Variants in GSE1 observed in about 807,000 individuals in gnomAD.
GSE1 encodes the protein Gse1 coiled-coil protein.
GSE1 carries 32 observed loss-of-function variants against 112.6 expected under a neutral mutation model. The observed-to-expected ratio is 0.28, with a 90% CI of 0.21 to 0.38. The LOEUF is 0.38. Among genes scored for constraint, GSE1 ranks in the 10% least tolerant of loss-of-function variants. The pLI is 1.00. For missense variants in GSE1, 2,348 were observed against 1,699.2 expected, an observed-to-expected ratio of 1.38 and a Z score of -6.71; for synonymous variants, 1,115 against 735.6, an observed-to-expected ratio of 1.52 and a Z score of -8.35.
At chr16:85,547,231 T>A (rs935716204) in intron 2 of GSE1, among the ~76,000 whole-genome samples, 1 of 152,212 alleles carries the variant, frequency 6.6e-6, no homozygotes, top group Non-Finnish European at 1.5e-5. Context: ...AGTGACAGGA[T>A]GTATTAGCTT....
intron 2 of GSE1, among the ~76,000 whole-genome samples, chr16:85,445,418 C>T (rs375569527): frequency 1.1e-4 from 16 of 152,314 alleles, no homozygotes; most frequent in African/African-American, 3.4e-4. Context: ...TCAGAGTGCT[C>T]GCTGGCGGCC....
intron 1 of GSE1, among the ~76,000 whole-genome samples, chr16:85,630,696 C>G (rs988304362): frequency 1.3e-5 from 2 of 152,188 alleles, no homozygotes; most frequent in Non-Finnish European, 2.9e-5. Flanking sequence ...GCCTTCTGAT[C>G]GGGTGCCATG....
upstream of GSE1, chr16:85,554,843 G>C: frequency 6.1e-6 from 6 of 983,342 alleles, no homozygotes; most frequent in Non-Finnish European, 6.0e-6. Context: ...TGGGCAGCCG[G>C]AGGGGGGGCC....
intron 1 of GSE1, among the ~76,000 whole-genome samples, chr16:85,247,487 G>T (rs185901654): frequency 1.3e-5 from 2 of 152,176 alleles, no homozygotes; most frequent in Non-Finnish European, 2.9e-5. Context: ...AGAGGAGGAC[G>T]GGATGAGGGC....
chr16:85,380,628 G>A lies in GSE1; in HGVS notation c.2464+22985G>A, dbSNP rs558044459. Among the ~76,000 whole-genome samples, 8 of 152,238 alleles carry A rather than the reference G, an allele frequency of 5.3e-5. No individual in the cohort carries two copies. In the South Asian group the frequency reaches 6.2e-4, roughly 12 times the overall value. ...ATCTCAGACGTTTGATCTGTGCTCTGCATTAGACGGTAGCTATTTGAAATC... is the reference window on the plus strand; with the variant it reads ...ATCTCAGACGTTTGATCTGTGCTCTACATTAGACGGTAGCTATTTGAAATC... On this transcript the variant is annotated intron_variant, in intron 2 of 2. Coordinates refer to the GSE1 transcript ENST00000637419.
At chr16:85,271,965 C>A (rs747718517) in intron 1 of GSE1, among the ~76,000 whole-genome samples, 1 of 152,218 alleles carries the variant, frequency 6.6e-6, no homozygotes, top group East Asian at 1.9e-4. Flanking sequence ...GTCTGCAGGA[C>A]GCCTTTCTGC....
intron 1 of GSE1, among the ~76,000 whole-genome samples, chr16:85,334,740 G>T (rs576155209): frequency 2.5e-4 from 38 of 152,308 alleles, no homozygotes; most frequent in African/African-American, 8.9e-4. Context: ...AGACCAGAAT[G>T]TGCCACCCCA....
chr16:85,368,632 G>C (rs561686663), intron 2 of GSE1, among the ~76,000 whole-genome samples: 1 of 152,304 alleles, frequency 6.6e-6, no homozygotes, highest in East Asian at 1.9e-4. Flanking sequence ...TTGAGCCCAG[G>C]AGTTCGAGGC....
intron 1 of GSE1, among the ~76,000 whole-genome samples, chr16:85,271,751 CAG>C (rs911767839): frequency 1.3e-5 from 2 of 152,160 alleles, no homozygotes; most frequent in Non-Finnish European, 2.9e-5. Flanking sequence ...GAGCCTGTGA[CAG>C]AGGGGAAGTG....
chr16:85,217,145 G>A (rs1051051942), intron 1 of GSE1, among the ~76,000 whole-genome samples: 1 of 152,238 alleles, frequency 6.6e-6, no homozygotes, highest in Non-Finnish European at 1.5e-5. Flanking sequence ...GGGGTGATGA[G>A]AGTAGCGACT....
chr16:85,550,695 G>A (rs538419706), intron 2 of GSE1, among the ~76,000 whole-genome samples: 4 of 152,294 alleles, frequency 2.6e-5, no homozygotes, highest in African/African-American at 7.2e-5. Flanking sequence ...TTCCCAGCAC[G>A]TGCTGGGAGG....
At position 85,634,120 on chromosome 16, in the gene GSE1, G is replaced by A; in HGVS notation, c.214G>A (p.Glu72Lys). 1 of 1,517,840 alleles carries A rather than the reference G, an allele frequency of 6.6e-7. No individual in the cohort carries two copies. The highest frequency in any genetic ancestry group is 8.8e-7 in the Non-Finnish European group (1 of 1,139,204). The allele number at this position is 1,517,840 out of a possible 1,614,324, so 94.0% of individuals were successfully genotyped here. The change falls in exon 2 of 16, where the codon GAG (glutamate) becomes AAG (lysine). Residue 72 changes from glutamate to lysine, a missense_variant. Transcript: ENST00000253458. Reference protein sequence around the residue: ...AALRKLAKQAEEPRGSSLSSE... With the variant: ...AALRKLAKQAKEPRGSSLSSE... ...GCTGCGCAAGCTCGCCAAACAGGCG[G>A]AGGAGCCCAGAGGTAAGGGGGCCCG...
At chr16:85,619,655 CTG>C (rs2151619554) in intron 1 of GSE1, among the ~76,000 whole-genome samples, 1 of 152,312 alleles carries the variant, frequency 6.6e-6, no homozygotes, top group South Asian at 2.1e-4. Flanking sequence ...ATGGGAAAGA[CTG>C]TATTTCTGTA....
chr16:85,590,135 A>AC (rs1182211855), intron 1 of GSE1, among the ~76,000 whole-genome samples: 5 of 151,886 alleles, frequency 3.3e-5, no homozygotes, highest in African/African-American at 4.8e-5. Context: ...TGTGATCATG[A>AC]CCCTGTGATT....
intron 1 of GSE1, among the ~76,000 whole-genome samples, chr16:85,263,405 C>T (rs1036189385): frequency 9.2e-5 from 14 of 152,094 alleles, no homozygotes; most frequent in African/African-American, 2.2e-4. Flanking sequence ...TCAGAATCTG[C>T]GTCTCTAACA....
intron 1 of GSE1, among the ~76,000 whole-genome samples, chr16:85,177,079 C>T (rs1324621338): frequency 2.0e-5 from 3 of 152,236 alleles, no homozygotes; most frequent in Non-Finnish European, 4.4e-5. Context: ...AGCTTTCCAG[C>T]TGTGCCCCTC....
intron 2 of GSE1, among the ~76,000 whole-genome samples, chr16:85,357,970 T>A (rs1180547140): frequency 6.6e-6 from 1 of 152,088 alleles, no homozygotes; most frequent in African/African-American, 2.4e-5. Flanking sequence ...TTATGGATAG[T>A]CTTGAGCCCA....
rs758337232 is a variant in GSE1 at position 85,482,856 on chromosome 16, T to C, written c.2464+125213T>C. 4.6e-5 allele frequency among the ~76,000 whole-genome samples: 7 copies of C among 152,116 alleles called. No individual in the cohort carries two copies. The South Asian group carries it at 1.5e-3, about 32-fold the overall frequency. ...AGCCAGGCATGGTGGAGGGTGCCTG[T>C]AATCTCAGCTCCTTGGGAGGCTGAG... On this transcript the variant is annotated intron_variant, in intron 2 of 2. Transcript: ENST00000637419.
chr16:85,238,119 G>A (rs528199480), intron 1 of GSE1, among the ~76,000 whole-genome samples: 72 of 152,300 alleles, frequency 4.7e-4, no homozygotes, highest in African/African-American at 1.7e-3. Context: ...CTGTGGTGCT[G>A]TTGGACCCAA....
Sources: gnomAD v4.1 joint callset for allele counts (sites outside exome capture counted in the v4.1 genomes callset) on GRCh38, gnomAD v4.1.1 for gene constraint, MANE v1.5 for transcripts, NCBI Gene and HGNC (gene_info 2026-07-23, HGNC 2026-07-21) for gene names.